The following CACNA2D4 variants were observed in gnomAD, a reference collection of about 807,000 sequenced individuals.
The protein encoded by CACNA2D4 is calcium voltage-gated channel auxiliary subunit alpha2delta 4.
In CACNA2D4, 157 loss-of-function variants were observed where a neutral mutation model predicts 163.8. That is an observed-to-expected ratio of 0.96 (90% confidence interval 0.84 to 1.09). The LOEUF (loss-of-function observed/expected upper bound fraction) is 1.09, where lower values mean the gene tolerates loss of function less well. Ranked by LOEUF, CACNA2D4 falls within the 50% of genes least tolerant of loss-of-function variation. CACNA2D4 has a pLI of 0.00. For missense variants in CACNA2D4, 1,410 were observed against 1,479.9 expected, an observed-to-expected ratio of 0.95 and a Z score of 0.78; for synonymous variants, 598 against 586.9, an observed-to-expected ratio of 1.02 and a Z score of -0.27.
At chr12:1,809,675 A>G (rs192411683) in intron 29 of CACNA2D4, 2 of 645,978 alleles carry the variant, frequency 3.1e-6, no homozygotes, top group East Asian at 5.5e-5. Flanking sequence ...TCAGGGAGAT[A>G]CCCACAGCCA....
chr12:1,895,212 T>C (rs1866374525), intron 6 of CACNA2D4, among the ~76,000 whole-genome samples: 1 of 151,846 alleles, frequency 6.6e-6, no homozygotes, highest in Non-Finnish European at 1.5e-5. Context: ...GCTACAAAAC[T>C]GATGAAAAAA....
In CACNA2D4 at chr12:1,828,101, C is replaced by T. The variant is rs1407042619; in HGVS notation, c.2551+12638G>A. Reference sequence around the variant, plus strand: ...GACTGACAGGCGGCGCACCCAGGGGCTCCTCTCTCCCCAGAGCGACAGGGC... The same window carrying T: ...GACTGACAGGCGGCGCACCCAGGGGTTCCTCTCTCCCCAGAGCGACAGGGC... On this transcript the variant is annotated intron_variant, in intron 26 of 37. Coordinates refer to ENST00000382722, the MANE Select transcript of CACNA2D4 (RefSeq NM_172364.5). The surrounding 1 kb of genome is among the most constrained non-coding windows in gnomAD (Gnocchi z 4.2). 1.2e-5 allele frequency: 18 copies of T among 1,469,848 alleles called. No individual in the cohort carries two copies. In the East Asian group the frequency reaches 3.6e-4, roughly 29 times the overall value. The allele number at this position is 1,469,848 out of a possible 1,614,324, so 91.1% of individuals were successfully genotyped here. A position where few individuals can be genotyped will look rare whatever the true frequency, so the allele number is the denominator to read the frequency against.
chr12:1,794,534 C>T (rs988145640), intron 37 of CACNA2D4, among the ~76,000 whole-genome samples: 1 of 152,218 alleles, frequency 6.6e-6, no homozygotes, highest in South Asian at 2.1e-4. Flanking sequence ...GTCCTTCTGA[C>T]AGACTGGCTG....
In CACNA2D4 at chr12:1,885,379, C is replaced by G. The variant is rs563835926; in HGVS notation, c.1069-303G>C. On this transcript the variant is annotated intron_variant, in intron 9 of 37. Transcript: ENST00000382722. ...TTCTGGGATGGAGGCAGGGTAACCT[C>G]GGCTCCCAGACCACAGCCCGCAGCC... 2.0e-5 allele frequency among the ~76,000 whole-genome samples: 3 copies of G among 152,132 alleles called. No homozygotes were observed. In the South Asian group the frequency reaches 6.2e-4, roughly 32 times the overall value.
intron 4 of CACNA2D4, 128 bp from the exon 5 acceptor site, chr12:1,908,165 G>T: frequency 3.1e-6 from 3 of 953,516 alleles, no homozygotes; most frequent in Non-Finnish European, 4.7e-6. Context: ...GTCTACACAA[G>T]CACCCGCGGC....
rs576179739 is a variant in CACNA2D4, at chr12:1,840,800, C to T, written c.2490G>A (p.Met830Ile). The T allele has an allele frequency of 1.2e-5, 20 of 1,613,564 alleles. No individual in the cohort carries two copies. In the Admixed American group the frequency reaches 2.8e-4, roughly 23 times the overall value. ...AEGPESAGEP[M>I]VVTASTAVAV... is the part of the protein sequence containing the mutation. ...CCACAGCTGTGCTTGCCGTCACCACCATGGGTTCACCCGCACTTTCTGGGG... is the reference window on the plus strand; with the variant it reads ...CCACAGCTGTGCTTGCCGTCACCACTATGGGTTCACCCGCACTTTCTGGGG... The change falls in exon 26 of 38, where the codon ATG (methionine) becomes ATA (isoleucine). Residue 830 changes from methionine (M) to isoleucine (I), a missense_variant. Coordinates refer to ENST00000382722, the MANE Select transcript of CACNA2D4 (RefSeq NM_172364.5).
chr12:1,822,489 C>G (rs183771722), intron 26 of CACNA2D4, among the ~76,000 whole-genome samples: 1 of 146,510 alleles, frequency 6.8e-6, no homozygotes, highest in Admixed American at 6.7e-5. Context: ...ACCCTGAGCC[C>G]GGCCCCAGGG....
In CACNA2D4 at chr12:1,792,049, T is replaced by C. The variant is rs1249120232; in HGVS notation, c.*1606A>G. On this transcript the variant is annotated 3_prime_UTR_variant, in exon 38 of 38. Transcript: ENST00000382722. ...GTGAATACATCACATTCAATCTTCA[T>C]ACACTCTTCCGGTAATTTGGAGGCA... 6.6e-6 allele frequency: 1 copy of C among 152,262 alleles called. No individual in the cohort carries two copies. Among genetic ancestry groups the C allele is most frequent in the Non-Finnish European group, 1.5e-5 (1 of 68,050 alleles). The allele number at this position is 152,262 out of a possible 1,614,324, so 9.4% of individuals were successfully genotyped here. A position where few individuals can be genotyped will look rare whatever the true frequency, so the allele number is the denominator to read the frequency against.
At chr12:1,860,693 C>G (rs1865504303) in intron 18 of CACNA2D4, among the ~76,000 whole-genome samples, 1 of 152,220 alleles carries the variant, frequency 6.6e-6, no homozygotes, top group South Asian at 2.1e-4. Context: ...CTTAAACCTC[C>G]TCGCCCTCAA....
At chr12:1,813,094 C>T (rs1464352562) in intron 26 of CACNA2D4, among the ~76,000 whole-genome samples, 1 of 152,172 alleles carries the variant, frequency 6.6e-6, no homozygotes, top group East Asian at 1.9e-4. Context: ...CTTTGCGTTT[C>T]GTCTCCTCAG....
rs766520376 is a variant in CACNA2D4 at position 1,844,501 on chromosome 12, T to C, written c.2371A>G (p.Ser791Gly). The C allele has an allele frequency of 6.0e-5, 96 of 1,613,344 alleles. No individual in the cohort carries two copies. The highest frequency in any genetic ancestry group is 7.8e-5 in the Non-Finnish European group (92 of 1,179,750). ...GGGAAGCGGTCCAGGGTGAACACGC[T>C]GGCCTCGTCCTCAGGTGTCAGGAAC... is the stretch of plus-strand genomic sequence containing the variant. ...RKFLTPEDEA[S>G]VFTLDRFPLW... Residue 791 changes from serine to glycine, a missense_variant, in exon 25 of 38, where the codon AGC (serine) becomes GGC (glycine). Coordinates refer to ENST00000382722, the MANE Select transcript of CACNA2D4 (RefSeq NM_172364.5). This position sits in a 1 kb window ranked among gnomAD's most constrained non-coding sequence, Gnocchi z 4.2.
rs1380217217 is a variant in CACNA2D4, at chr12:1,878,777, AG to A, written c.1644+178del. On this transcript the variant is annotated intron_variant, in intron 15 of 37. Transcript: ENST00000382722. The surrounding 1 kb of genome is among the most constrained non-coding windows in gnomAD (Gnocchi z 4.6). ...AGCAAGTCATAGTTCGTGGTGGGAA[AG>A]GGACCCAGGGGCACCAGTTGCTGCT... Among the ~76,000 whole-genome samples, 1 of 152,200 alleles carries A rather than the reference AG, an allele frequency of 6.6e-6. No homozygotes were observed. Among genetic ancestry groups the A allele is most frequent in the African/African-American group, 2.4e-5 (1 of 41,452 alleles).
At position 1,806,538 on chromosome 12, in the gene CACNA2D4, C is replaced by G. The variant is rs974836087; in HGVS notation, c.2721+3740G>C. Among the ~76,000 whole-genome samples the G allele has an allele frequency of 4.6e-5, 7 of 152,218 alleles. No individual in the cohort carries two copies. Among genetic ancestry groups the G allele is most frequent in the Non-Finnish European group, 1.5e-5 (1 of 68,038 alleles). On this transcript the variant is annotated intron_variant, in intron 29 of 37. Transcript: ENST00000382722. The surrounding 1 kb of genome is among the most constrained non-coding windows in gnomAD (Gnocchi z 4.1). ...ATCTTTGCATCTGTAGCTCAACAGGCTTCTCTCTCCAGGCCCCTGGGTAAG... is the reference window on the plus strand; with the variant it reads ...ATCTTTGCATCTGTAGCTCAACAGGGTTCTCTCTCCAGGCCCCTGGGTAAG...
At position 1,793,680 on chromosome 12, in the gene CACNA2D4, C is replaced by T. The variant is rs1169114468; in HGVS notation, c.3389G>A (p.Gly1130Glu). The stretch of plus-strand genomic sequence containing the variant: ...TCACCGCAGGAGTTGGGGCAGTAGC[C>T]CCCAGGCACACACAGGCAGCAGGAG... ...PLLLLPVCAWGLLPQLLR is the reference protein window; with the variant it reads ...PLLLLPVCAWELLPQLLR Residue 1130 changes from glycine to glutamate, a missense_variant, in exon 38 of 38, where the codon GGG becomes GAG. Physicochemically the swap from Gly to Glu is moderately conservative, Grantham distance 98 (BLOSUM62 -2). Transcript: ENST00000382722. The T allele has an allele frequency of 6.2e-7, 1 of 1,613,704 alleles. No individual in the cohort carries two copies. The highest frequency in any genetic ancestry group is 1.3e-5 in the African/African-American group (1 of 74,930).
chr12:1,904,965 A>G (rs529638624), intron 6 of CACNA2D4, among the ~76,000 whole-genome samples: 7 of 152,196 alleles, frequency 4.6e-5, no homozygotes, highest in African/African-American at 1.7e-4. Context: ...CAGCATGGAT[A>G]AAACATAAAA....
chr12:1,878,382 A>G lies in CACNA2D4; in HGVS notation c.1652T>C (p.Val551Ala). 1 of 1,602,486 alleles carries G rather than the reference A, an allele frequency of 6.2e-7. No individual in the cohort carries two copies. The change falls in exon 16 of 38, where the codon GTG becomes GCG. Residue 551 changes from valine (V) to alanine (A), a missense_variant. Coordinates refer to ENST00000382722, the MANE Select transcript of CACNA2D4 (RefSeq NM_172364.5). This position sits in a 1 kb window ranked among gnomAD's most constrained non-coding sequence, Gnocchi z 4.6. ...MKLAPRYKLG[V>A]HGYAFLNTNN... ...GGTGTTCAGAAAGGCGTATCCGTGC[A>G]CTCCAAGCTGCCAGAGTCCAGGGTG... is the stretch of plus-strand genomic sequence containing the variant.
chr12:1,875,253 A>T lies in CACNA2D4; in HGVS notation c.1804T>A (p.Ser602Thr), dbSNP rs1391708611. 3 of 1,611,318 alleles carry T rather than the reference A, an allele frequency of 1.9e-6. No homozygotes were observed. The highest frequency in any genetic ancestry group is 1.1e-5 in the South Asian group (1 of 91,010). Residue 602 changes from serine (S) to threonine (T), a missense_variant and splice_region_variant, in exon 17 of 38, where the codon TCT (serine) becomes ACT (threonine). Transcript: ENST00000382722. This position sits in a 1 kb window ranked among gnomAD's most constrained non-coding sequence, Gnocchi z 4.0. ...TTCCCCCTATTTTCCCCACTCACAGATTCAGCCTGGTCTTCCCACTCCACT... is the reference window on the plus strand; with the variant it reads ...TTCCCCCTATTTTCCCCACTCACAGTTTCAGCCTGGTCTTCCCACTCCACT... ...SEVEWEDQAESLRTAMINRET... is the reference protein window; with the variant it reads ...SEVEWEDQAETLRTAMINRET...
Position 1,874,253 on chromosome 12 carries a change from A to G in CACNA2D4, c.1878+351T>C, listed in dbSNP as rs964801263. ...TAACACTTCACAAGAGCTGCTTACC[A>G]TTTACAAAATCAGCTGTCACGTTTC... On this transcript the variant is annotated intron_variant, in intron 18 of 37. Transcript: ENST00000382722. The surrounding 1 kb of genome is among the most constrained non-coding windows in gnomAD (Gnocchi z 4.4). Among the ~76,000 whole-genome samples, 12 of 152,164 alleles carry G rather than the reference A, an allele frequency of 7.9e-5. No individual in the cohort carries two copies. Among genetic ancestry groups the G allele is most frequent in the African/African-American group, 2.9e-4 (12 of 41,432 alleles).
chr12:1,838,979 C>A (rs1288492787), intron 26 of CACNA2D4, among the ~76,000 whole-genome samples: 1 of 152,210 alleles, frequency 6.6e-6, no homozygotes, highest in Admixed American at 6.5e-5. Context: ...GCATCGCACA[C>A]GACCAGTGAC....
Sources: allele counts gnomAD v4.1 joint callset (sites outside exome capture counted in the v4.1 genomes callset), GRCh38; gene constraint gnomAD v4.1.1; non-coding constraint Gnocchi (gnomAD v3.1); transcripts MANE v1.5; gene names NCBI Gene and HGNC (gene_info 2026-07-23, HGNC 2026-07-21).